The following ELF4 variants were observed in gnomAD, a reference collection of about 807,000 sequenced individuals.
ELF4 encodes ETS-related transcription factor Elf-4.
A neutral mutation model predicts 31.7 loss-of-function variants in ELF4; 10 were observed. That is an observed-to-expected ratio of 0.32 (90% CI 0.19 to 0.54). ELF4 has a LOEUF of 0.54. Among genes scored for constraint, ELF4 ranks in the 20% least tolerant of loss-of-function variants. The pLI is 0.95. For synonymous variants in ELF4, 208 were observed against 226.7 expected (o/e 0.92, Z 0.74); for missense variants, 418 against 522.0 (o/e 0.80, Z 1.94).
intron 1 of ELF4, among the ~76,000 whole-genome samples, chrX:130,096,558 G>T (rs1933152547): frequency 8.9e-6 from 1 of 112,028 alleles, no homozygotes; most frequent in South Asian, 3.7e-4. Context: ...AAAAACTACT[G>T]AAGTGTATGC....
At chrX:130,079,653 G>C (rs1932868657) in intron 2 of ELF4, among the ~76,000 whole-genome samples, 1 of 109,056 alleles carries the variant, frequency 9.2e-6, no homozygotes, top group Non-Finnish European at 1.9e-5. Context: ...AAAGAGAGAA[G>C]GGAGGGAAAT....
At position 130,063,972 on chromosome X, in the gene ELF4, TTTATTATTATTATTA is replaced by T. The variant is rs201836552; in HGVS notation, c.*2734_*2748del. ...TGACGGCCTTTTTGTTTGCTTGATT[TTTATTATTATTATTA>T]TTATTATTATTATTATTATTATTAT... On this transcript the variant is annotated 3_prime_UTR_variant, in exon 9 of 9. Coordinates refer to ENST00000308167, the MANE Select transcript of ELF4 (RefSeq NM_001421.4). Among the ~76,000 whole-genome samples, 16 of 93,315 alleles carry T rather than the reference TTTATTATTATTATTA, an allele frequency of 1.7e-4. No individual in the cohort carries two copies. Among genetic ancestry groups the T allele is most frequent in the African/African-American group, 4.3e-4 (11 of 25,289 alleles). The allele number at this position is 93,315 out of a possible 115,157, so 81.0% of individuals were successfully genotyped here. A position where few individuals can be genotyped will look rare whatever the true frequency, so the allele number is the denominator to read the frequency against.
At chrX:130,083,250 G>C (rs1932910939) in intron 1 of ELF4, among the ~76,000 whole-genome samples, 2 of 107,936 alleles carry the variant, frequency 1.9e-5, no homozygotes, top group South Asian at 8.2e-4. Context: ...CTTGCCCCAG[G>C]TTCACTCCTC....
intron 2 of ELF4, among the ~76,000 whole-genome samples, chrX:130,076,188 G>A (rs1363735768): frequency 4.5e-5 from 5 of 111,265 alleles, no homozygotes; most frequent in Non-Finnish European, 7.5e-5. Context: ...TAAGCAAAGC[G>A]AAATTAAAAA....
At chrX:130,088,549 T>C (rs1932998622) in intron 1 of ELF4, among the ~76,000 whole-genome samples, 1 of 111,453 alleles carries the variant, frequency 9.0e-6, no homozygotes, top group Admixed American at 9.5e-5. Flanking sequence ...CCGTCTCTAC[T>C]ATAAATACAA....
At chrX:130,104,437 C>T (rs1933340742) in intron 1 of ELF4, among the ~76,000 whole-genome samples, 1 of 110,851 alleles carries the variant, frequency 9.0e-6, no homozygotes, top group Non-Finnish European at 1.9e-5. Flanking sequence ...CCCGCATTGC[C>T]GAAGAAGTAG....
chrX:130,103,983 T>C (rs1018864804), intron 1 of ELF4, among the ~76,000 whole-genome samples: 1 of 112,145 alleles, frequency 8.9e-6, no homozygotes, highest in African/African-American at 3.2e-5. Flanking sequence ...CCTCTGGGCA[T>C]TGGCCCAGAA....
rs1932786360 is a variant in ELF4 at position 130,071,377 on chromosome X, T to C, written c.575A>G (p.Asp192Gly). ...TTTCTTCCTAATGGGGATGCTGGGGTCAGTGACAGGTGAGGTACTTCGGTT... is the reference window on the plus strand; with the variant it reads ...TTTCTTCCTAATGGGGATGCTGGGGCCAGTGACAGGTGAGGTACTTCGGTT... The part of the protein sequence containing the change: ...KGNRSTSPVT[D>G]PSIPIRKKSK... The change falls in exon 6 of 9, where the codon GAC (aspartate) becomes GGC (glycine). Residue 192 changes from aspartate (D) to glycine (G), a missense_variant. Coordinates refer to ENST00000308167, the MANE Select transcript of ELF4 (RefSeq NM_001421.4). The C allele has an allele frequency of 8.3e-7, 1 of 1,209,952 alleles. No individual in the cohort carries two copies. Among genetic ancestry groups the C allele is most frequent in the Non-Finnish European group, 1.1e-6 (1 of 895,223 alleles).
At chrX:130,068,649 A>T (rs1358449459) in intron 8 of ELF4, among the ~76,000 whole-genome samples, 1 of 112,691 alleles carries the variant, frequency 8.9e-6, no homozygotes, top group Admixed American at 9.3e-5. Context: ...AAGTAGTTGG[A>T]GCTAGCCGGG....
chrX:130,086,448 G>A (rs1424160340), intron 1 of ELF4, among the ~76,000 whole-genome samples: 1 of 111,839 alleles, frequency 8.9e-6, no homozygotes, highest in African/African-American at 3.3e-5. Context: ...CCCAGAGGAG[G>A]AGTGATTAGA....
chrX:130,107,104 C>T (rs1344227406), intron 1 of ELF4, among the ~76,000 whole-genome samples: 3 of 111,079 alleles, frequency 2.7e-5, no homozygotes, highest in African/African-American at 6.5e-5. Context: ...GGTGAAACCC[C>T]GTCTCTACTA....
intron 1 of ELF4, among the ~76,000 whole-genome samples, chrX:130,108,793 T>A (rs778065693): frequency 5.4e-4 from 59 of 110,044 alleles, no homozygotes; most frequent in African/African-American, 2.0e-3. Flanking sequence ...GGTGGTAGCA[T>A]GGAGCCTGCT....
chrX:130,067,819 A>AT (rs60581571), intron 8 of ELF4, among the ~76,000 whole-genome samples: 4,493 of 101,523 alleles, frequency 0.044, 255 homozygotes, highest in African/African-American at 0.15. Flanking sequence ...TTTTTAATTT[A>AT]TTTTTTTTTT....
At chrX:130,093,006 T>TAA (rs35937720) in intron 1 of ELF4, among the ~76,000 whole-genome samples, 3 of 102,233 alleles carry the variant, frequency 2.9e-5, no homozygotes, top group African/African-American at 1.1e-4. Context: ...AGAATACTGT[T>TAA]AAAAAAAAAA....
rs181625233 is a variant in ELF4, at chrX:130,106,539, T to C, written c.-210+3786A>G. Among the ~76,000 whole-genome samples, 407 of 111,406 alleles carry C rather than the reference T, an allele frequency of 3.7e-3. 2 individuals carry two copies. Among genetic ancestry groups the C allele is most frequent in the African/African-American group, 0.013 (393 of 30,655 alleles). On this transcript the variant is annotated intron_variant, in intron 1 of 8. Coordinates refer to ENST00000308167, the MANE Select transcript of ELF4 (RefSeq NM_001421.4). ...AGGGCATTAGCAGTGTGGCTGCTAT[T>C]ACAGGACACACGAGGCTCAGCGGCC...
In ELF4 at chrX:130,064,129, G is replaced by A. The variant is rs1034420643; in HGVS notation, c.*2592C>T. On this transcript the variant is annotated 3_prime_UTR_variant, in exon 9 of 9. Coordinates refer to ENST00000308167, the MANE Select transcript of ELF4 (RefSeq NM_001421.4). Reference sequence around the variant, plus strand: ...CATCTTGGAAAGGTTTTTTGTGAGCGTGGAAATAATTTAAAAATCCATTGT... The same window carrying A: ...CATCTTGGAAAGGTTTTTTGTGAGCATGGAAATAATTTAAAAATCCATTGT... 2.7e-5 allele frequency among the ~76,000 whole-genome samples: 3 copies of A among 110,010 alleles called. No individual in the cohort carries two copies. Among genetic ancestry groups the A allele is most frequent in the Admixed American group, 1.9e-4 (2 of 10,270 alleles).
At chrX:130,095,402 G>A (rs948479821) in intron 1 of ELF4, among the ~76,000 whole-genome samples, 1 of 112,618 alleles carries the variant, frequency 8.9e-6, no homozygotes, top group African/African-American at 3.2e-5. Flanking sequence ...CCCAAGAATG[G>A]AGGCAGAACT....
intron 1 of ELF4, among the ~76,000 whole-genome samples, chrX:130,097,716 T>C (rs1214557340): frequency 1.8e-5 from 2 of 112,776 alleles, no homozygotes; most frequent in Non-Finnish European, 3.8e-5. Context: ...CAACCCATAA[T>C]AGAGACCCAT....
Position 130,064,508 on chromosome X carries a change from A to G in ELF4, c.*2213T>C, listed in dbSNP as rs1260465484. Among the ~76,000 whole-genome samples, 2 of 112,459 alleles carry G rather than the reference A, an allele frequency of 1.8e-5. No homozygotes were observed. Among genetic ancestry groups the G allele is most frequent in the Non-Finnish European group, 3.8e-5 (2 of 53,266 alleles). Reference sequence around the variant, plus strand: ...GGAGCTGACAAGCACCCACATGGAAATGTTCAGCAGATTGCTGGAAATGTG... The same window carrying G: ...GGAGCTGACAAGCACCCACATGGAAGTGTTCAGCAGATTGCTGGAAATGTG... On this transcript the variant is annotated 3_prime_UTR_variant, in exon 9 of 9. Transcript: ENST00000308167.
Sources: allele counts gnomAD v4.1 joint callset (sites outside exome capture counted in the v4.1 genomes callset), GRCh38; gene constraint gnomAD v4.1.1; transcripts MANE v1.5; gene names NCBI Gene and HGNC (gene_info 2026-07-23, HGNC 2026-07-21).